RXFP2: variants seen among roughly 807,000 people sequenced by gnomAD.
RXFP2 encodes the protein relaxin family peptide receptor 2.
Under a neutral mutation model 88.6 loss-of-function variants are expected in RXFP2, and 68 were observed. That is an observed-to-expected ratio of 0.77 (90% CI 0.63 to 0.94). The LOEUF (loss-of-function observed/expected upper bound fraction) is 0.94, where lower values mean the gene tolerates loss of function less well. Ranked by LOEUF, RXFP2 falls within the 40% of genes least tolerant of loss-of-function variation. The pLI is 0.00. For missense variants in RXFP2, 791 were observed against 893.9 expected (o/e 0.88, Z 1.47); for synonymous variants, 329 against 306.8 (o/e 1.07, Z -0.76).
intron 7 of RXFP2, among the ~76,000 whole-genome samples, chr13:31,776,190 CTT>C (rs1872966985): frequency 2.1e-5 from 3 of 141,098 alleles, no homozygotes; most frequent in African/African-American, 5.3e-5. Context: ...TTCTCTCTTT[CTT>C]TCTTTTTTCT....
chr13:31,770,212 T>A (rs1872687067), intron 5 of RXFP2, among the ~76,000 whole-genome samples: 1 of 152,232 alleles, frequency 6.6e-6, no homozygotes, highest in East Asian at 1.9e-4. Context: ...CAGCATCATA[T>A]TCACCTGTTC....
chr13:31,762,387 A>G (rs1872340315), intron 3 of RXFP2, among the ~76,000 whole-genome samples: 1 of 152,148 alleles, frequency 6.6e-6, no homozygotes, highest in Admixed American at 6.5e-5. Flanking sequence ...AGCAAGATCA[A>G]CAAAACACTG....
At position 31,793,081 on chromosome 13, in the gene RXFP2, T is replaced by C. The variant is rs1241222006; in HGVS notation, c.1779T>C (p.Ile593=). 3 of 1,609,800 alleles carry C rather than the reference T, an allele frequency of 1.9e-6. No individual in the cohort carries two copies. The South Asian group carries it at 3.3e-5, about 18-fold the overall frequency. The part of the protein sequence containing the change: ...DIGSKGYSLG[I]FLGVNLLAFL... ...GAAGCAAAGGGTATTCTCTTGGAAT[T>C]TTCCTAGGTAAATTATATTTTTTCA... The change falls in exon 16 of 18, where the codon ATT becomes ATC. Residue 593 remains isoleucine (I), a synonymous_variant. Transcript: ENST00000298386.
chr13:31,741,580 T>C (rs773307790), intron 1 of RXFP2, among the ~76,000 whole-genome samples: 2 of 152,154 alleles, frequency 1.3e-5, no homozygotes, highest in South Asian at 2.1e-4. Flanking sequence ...GATAGACTCT[T>C]AGGCCAGATC....
chr13:31,802,349 C>T lies in RXFP2; in HGVS notation c.2209C>T (p.Leu737Phe). 6.2e-7 allele frequency: 1 copy of T among 1,613,776 alleles called. No individual in the cohort carries two copies. The highest frequency in any genetic ancestry group is 8.5e-7 in the Non-Finnish European group (1 of 1,179,846). The change falls in exon 18 of 18, where the codon CTT (leucine) becomes TTT (phenylalanine). Residue 737 changes from leucine (L) to phenylalanine (F), a missense_variant. Physicochemically the swap from Leu to Phe is conservative, Grantham distance 22 (BLOSUM62 0). Coordinates refer to ENST00000298386, the MANE Select transcript of RXFP2 (RefSeq NM_130806.5). Reference protein sequence around the residue: ...VWIEDSSSLKLGVLNKITLGD... With the variant: ...VWIEDSSSLKFGVLNKITLGD... ...GATAGAGGACTCCTCTTCCCTGAAACTTGGGGTTTTGAACAAAATAACACT... is the reference window on the plus strand; with the variant it reads ...GATAGAGGACTCCTCTTCCCTGAAATTTGGGGTTTTGAACAAAATAACACT...
intron 10 of RXFP2, 149 bp from the exon 11 acceptor site, chr13:31,782,527 C>T (rs1173727665): frequency 4.4e-6 from 3 of 680,150 alleles, no homozygotes; most frequent in African/African-American, 3.6e-5. Context: ...TGAAAAAGTC[C>T]TGCCTTAGTT....
rs188042053 is a variant in RXFP2 at position 31,797,095 on chromosome 13, A to G, written c.1787-106A>G. 4.7e-5 allele frequency: 39 copies of G among 826,266 alleles called. No homozygotes were observed. In the East Asian group the frequency reaches 9.2e-4, roughly 20 times the overall value. 51.2% of individuals were successfully genotyped at this position (826,266 alleles called of 1,614,324 possible). A position where few individuals can be genotyped will look rare whatever the true frequency, so the allele number is the denominator to read the frequency against. ...TATTCCGAAATCCGAAATCCAAAAC[A>G]TTTCTGGTTTCAAACATTTTGGGTA... On this transcript the variant is annotated intron_variant, in intron 16 of 17. Coordinates refer to ENST00000298386, the MANE Select transcript of RXFP2 (RefSeq NM_130806.5).
At chr13:31,780,750 T>C (rs536167305) in intron 9 of RXFP2, among the ~76,000 whole-genome samples, 1 of 152,318 alleles carries the variant, frequency 6.6e-6, no homozygotes, top group Admixed American at 6.5e-5. Context: ...TGTCCACGTA[T>C]GTGGGATGCC....
At chr13:31,777,016 C>T (rs1307176902) in intron 7 of RXFP2, among the ~76,000 whole-genome samples, 1 of 152,166 alleles carries the variant, frequency 6.6e-6, no homozygotes, top group Non-Finnish European at 1.5e-5. Flanking sequence ...TCCTTCAGCT[C>T]AGCCAATTAG....
At chr13:31,774,716 T>G (rs376929815) in intron 6 of RXFP2, 25 bp downstream of exon 6, 38 of 1,215,784 alleles carry the variant, frequency 3.1e-5, no homozygotes, top group Non-Finnish European at 4.4e-5. Context: ...TCTCATATTG[T>G]AGGTATAATT....
rs138887250 is a variant in RXFP2, at chr13:31,777,395, A to G, written c.661A>G (p.Ile221Val). 9.3e-6 allele frequency: 15 copies of G among 1,611,454 alleles called. No individual in the cohort carries two copies. The highest frequency in any genetic ancestry group is 1.2e-5 in the Non-Finnish European group (14 of 1,178,182). ...LTWLILDDNP[I>V]TRISQRLFTG... is the part of the protein sequence containing the mutation. ...TGTCAGAATTCTAGATGACAATCCA[A>G]TAACCAGAATTTCACAGCGCTTGTT... is the stretch of plus-strand genomic sequence containing the variant. Residue 221 changes from isoleucine (I) to valine (V), a missense_variant, in exon 8 of 18, where the codon ATA becomes GTA. By Grantham distance (29) the Ile-to-Val change is conservative. Coordinates refer to ENST00000298386, the MANE Select transcript of RXFP2 (RefSeq NM_130806.5).
intron 7 of RXFP2, among the ~76,000 whole-genome samples, chr13:31,776,115 T>C (rs1205577128): frequency 3.5e-5 from 5 of 141,854 alleles, no homozygotes; most frequent in Admixed American, 3.4e-4. Context: ...TCTTTCTTTC[T>C]TTCTTTCTTT....
At chr13:31,764,760 G>A (rs1392847617) in intron 3 of RXFP2, among the ~76,000 whole-genome samples, 1 of 152,194 alleles carries the variant, frequency 6.6e-6, no homozygotes, top group Non-Finnish European at 1.5e-5. Context: ...TGCTTCACTA[G>A]ATGAGTTTAT....
At chr13:31,746,232 C>T (rs1160943546) in intron 1 of RXFP2, among the ~76,000 whole-genome samples, 1 of 152,108 alleles carries the variant, frequency 6.6e-6, no homozygotes, top group Non-Finnish European at 1.5e-5. Context: ...GGATCATACA[C>T]CTGGAAAAAC....
intron 2 of RXFP2, among the ~76,000 whole-genome samples, chr13:31,759,809 C>A (rs1184302096): frequency 1.3e-5 from 2 of 152,170 alleles, no homozygotes; most frequent in Non-Finnish European, 2.9e-5. Context: ...CCACAGCATG[C>A]ATCTCTAGAA....
At chr13:31,746,561 C>G (rs145227687) in intron 1 of RXFP2, among the ~76,000 whole-genome samples, 3 of 152,242 alleles carry the variant, frequency 2.0e-5, no homozygotes, top group African/African-American at 7.2e-5. Context: ...AATTAATAAA[C>G]TCATAAGACA....
rs561202032 is a variant in RXFP2 at position 31,788,045 on chromosome 13, C to T, written c.1074-1077C>T. Among the ~76,000 whole-genome samples, 23 of 152,108 alleles carry T rather than the reference C, an allele frequency of 1.5e-4. No homozygotes were observed. In the South Asian group the frequency reaches 4.8e-3, roughly 32 times the overall value. On this transcript the variant is annotated intron_variant, in intron 13 of 17. Transcript: ENST00000298386. ...GTTTTAGCACTTGGGATACAGTGGC[C>T]CCTGCTCTTCAGGATGCTATAGGTT...
At chr13:31,793,866 C>G (rs1873906735) in intron 16 of RXFP2, among the ~76,000 whole-genome samples, 1 of 152,158 alleles carries the variant, frequency 6.6e-6, no homozygotes, top group African/African-American at 2.4e-5. Context: ...TGCTTCTGCT[C>G]CTTCCAGTCT....
At chr13:31,769,504 C>T (rs913715866) in intron 5 of RXFP2, among the ~76,000 whole-genome samples, 6 of 152,184 alleles carry the variant, frequency 3.9e-5, no homozygotes, top group Non-Finnish European at 8.8e-5. Flanking sequence ...GTTCTTCATT[C>T]TAGTCACAAT....
Sources: allele counts gnomAD v4.1 joint callset (sites outside exome capture counted in the v4.1 genomes callset), GRCh38; gene constraint gnomAD v4.1.1; transcripts MANE v1.5; gene names NCBI Gene and HGNC (gene_info 2026-07-23, HGNC 2026-07-21).